The following EPS8 variants were observed in gnomAD, a reference collection of about 807,000 sequenced individuals.
The protein encoded by EPS8 is epidermal growth factor receptor kinase substrate 8.
In EPS8, 42 loss-of-function variants were observed where a neutral mutation model predicts 103.8. The ratio of observed to expected loss-of-function variants is 0.40; its 90% confidence interval spans 0.32 to 0.52. The LOEUF is 0.52. Among genes scored for constraint, EPS8 ranks in the 20% least tolerant of loss-of-function variants. The pLI is 0.40. For synonymous variants in EPS8, 344 were observed against 344.6 expected (o/e 1.00, Z 0.02); for missense variants, 969 against 1,005.1 (o/e 0.96, Z 0.49).
At position 15,702,106 on chromosome 12, in the gene EPS8, C is replaced by T. The variant is rs944009723; in HGVS notation, c.-21-19134G>A. ...CATGAGATAAACCACATTTCTCTGC[C>T]GTGCAGATTATTAGGAGGCAGTATA... On this transcript the variant is annotated intron_variant, in intron 1 of 20. Coordinates refer to ENST00000281172, the MANE Select transcript of EPS8 (RefSeq NM_004447.6). The surrounding 1 kb of genome is among the most constrained non-coding windows in gnomAD (Gnocchi z 5.1). 3.3e-5 allele frequency among the ~76,000 whole-genome samples: 5 copies of T among 152,162 alleles called. No homozygotes were observed. The highest frequency in any genetic ancestry group is 4.8e-5 in the African/African-American group (2 of 41,440).
intron 16 of EPS8, among the ~76,000 whole-genome samples, chr12:15,641,133 C>A (rs886807417): frequency 1.3e-5 from 2 of 152,032 alleles, no homozygotes; most frequent in African/African-American, 2.4e-5. Context: ...GACTTAAGGA[C>A]TAAAATGACT....
At position 15,710,144 on chromosome 12, in the gene EPS8, T is replaced by C. The variant is rs185144329; in HGVS notation, c.-21-27172A>G. 5.4e-4 allele frequency among the ~76,000 whole-genome samples: 82 copies of C among 152,284 alleles called. 1 individual carries two copies. Among genetic ancestry groups the C allele is most frequent in the African/African-American group, 2.0e-3 (82 of 41,562 alleles). ...CTATGTCATTTGGTCTGGCCAACTG[T>C]ATAAATGGTGAAATAAAGAAAAATT... On this transcript the variant is annotated intron_variant, in intron 1 of 20. Coordinates refer to ENST00000281172, the MANE Select transcript of EPS8 (RefSeq NM_004447.6).
intron 18 of EPS8, 96 bp downstream of exon 18, chr12:15,631,346 G>A: frequency 6.5e-7 from 1 of 1,530,166 alleles, no homozygotes. Context: ...CAAGTATAAA[G>A]GACTTTAATA....
rs1208313769 is a variant in EPS8, at chr12:15,713,175, G to A, written c.-21-30203C>T. 5.7e-6 allele frequency: 1 copy of A among 173,952 alleles called. No individual in the cohort carries two copies. The highest frequency in any genetic ancestry group is 2.4e-5 in the African/African-American group (1 of 41,700). The allele number at this position is 173,952 out of a possible 1,614,324, so 10.8% of individuals were successfully genotyped here. A position where few individuals can be genotyped will look rare whatever the true frequency, so the allele number is the denominator to read the frequency against. On this transcript the variant is annotated intron_variant, in intron 1 of 20. Transcript: ENST00000281172. The surrounding 1 kb of genome is among the most constrained non-coding windows in gnomAD (Gnocchi z 4.8). ...AGCATTGACTGAAAGCTTACTGTGT[G>A]GTCTAAATTAACGCTATATACACAG... is the stretch of plus-strand genomic sequence containing the variant.
chr12:15,644,061 C>G (rs1248962655), intron 15 of EPS8, among the ~76,000 whole-genome samples: 1 of 152,218 alleles, frequency 6.6e-6, no homozygotes, highest in African/African-American at 2.4e-5. Flanking sequence ...TACTTCCATA[C>G]TTGAGTCCTG....
chr12:15,766,587 A>C (rs1947101123), intron 1 of EPS8, among the ~76,000 whole-genome samples: 1 of 151,788 alleles, frequency 6.6e-6, no homozygotes, highest in Non-Finnish European at 1.5e-5. Flanking sequence ...CTGAGGCAGG[A>C]GAATTGCCTG....
intron 11 of EPS8, 53 bp from the exon 12 acceptor site, chr12:15,658,206 C>T: frequency 1.6e-6 from 2 of 1,238,432 alleles, no homozygotes; most frequent in Non-Finnish European, 2.4e-6. Flanking sequence ...GACAGACACT[C>T]AGAAAGGTCC....
At chr12:15,639,583 CTA>C (rs1177694715) in intron 17 of EPS8, among the ~76,000 whole-genome samples, 2 of 152,006 alleles carry the variant, frequency 1.3e-5, no homozygotes, top group Admixed American at 1.3e-4. Flanking sequence ...GATAGAGAAA[CTA>C]TACACAAATT....
intron 1 of EPS8, among the ~76,000 whole-genome samples, chr12:15,732,057 T>C (rs1218682843): frequency 1.3e-5 from 2 of 152,164 alleles, no homozygotes; most frequent in Non-Finnish European, 2.9e-5. Flanking sequence ...AAAGTGAAAC[T>C]ACGCATTTCA....
Position 15,650,912 on chromosome 12 carries a change from T to C in EPS8, c.1345A>G (p.Met449Val), listed in dbSNP as rs1345171568. The change falls in exon 14 of 21, where the codon ATG (methionine) becomes GTG (valine). Residue 449 changes from methionine (M) to valine (V), a missense_variant. Met to Val is a conservative substitution (Grantham distance 21). Coordinates refer to ENST00000281172, the MANE Select transcript of EPS8 (RefSeq NM_004447.6). ...GCCAGTTGATAAAGATCTTGTTCCA[T>C]TGTGGCTCCCATAAAGTTCAGCATT... ...PPMLNFMGAT[M>V]EQDLYQLAES... is the part of the protein sequence containing the mutation. 6 of 1,614,138 alleles carry C rather than the reference T, an allele frequency of 3.7e-6. No homozygotes were observed. The highest frequency in any genetic ancestry group is 1.6e-4 in the Middle Eastern group (1 of 6,062).
chr12:15,768,429 CAA>C (rs71042268), intron 1 of EPS8, among the ~76,000 whole-genome samples: 1 of 24,834 alleles, frequency 4.0e-5, no homozygotes, highest in Non-Finnish European at 7.1e-5. Flanking sequence ...GACTCCATCT[CAA>C]AAAAAAAAAA....
At chr12:15,657,655 G>A (rs1216463628) in intron 12 of EPS8, among the ~76,000 whole-genome samples, 1 of 152,096 alleles carries the variant, frequency 6.6e-6, no homozygotes, top group Non-Finnish European at 1.5e-5. Context: ...AGAGATGAAG[G>A]AACACCTCGA....
Position 15,731,659 on chromosome 12 carries a change from T to G in EPS8, c.-21-48687A>C, listed in dbSNP as rs1472158970. ...ACTTCATGCTAAAGATTCTAAGAGC[T>G]AAAGTATTTTCTGAATAGAGAAGAT... On this transcript the variant is annotated intron_variant, in intron 1 of 20. Coordinates refer to ENST00000281172, the MANE Select transcript of EPS8 (RefSeq NM_004447.6). This position sits in a 1 kb window ranked among gnomAD's most constrained non-coding sequence, Gnocchi z 5.1. 1.3e-5 allele frequency among the ~76,000 whole-genome samples: 2 copies of G among 152,190 alleles called. No homozygotes were observed. The highest frequency in any genetic ancestry group is 4.8e-5 in the African/African-American group (2 of 41,458).
intron 17 of EPS8, among the ~76,000 whole-genome samples, chr12:15,637,971 A>T (rs1945165385): frequency 6.6e-6 from 1 of 152,180 alleles, no homozygotes. Flanking sequence ...ATGAGTGAAT[A>T]AAAAGATGAG....
Position 15,762,993 on chromosome 12 carries a change from A to G in EPS8, c.-22+26168T>C, listed in dbSNP as rs1393881864. On this transcript the variant is annotated intron_variant, in intron 1 of 20. Transcript: ENST00000281172. This position sits in a 1 kb window ranked among gnomAD's most constrained non-coding sequence, Gnocchi z 4.8. ...TTGAGGAATAGATAGCCCATTTTCCATGATGTGATTATTATGTGTTACATG... is the reference window on the plus strand; with the variant it reads ...TTGAGGAATAGATAGCCCATTTTCCGTGATGTGATTATTATGTGTTACATG... 6.6e-6 allele frequency among the ~76,000 whole-genome samples: 1 copy of G among 152,194 alleles called. No individual in the cohort carries two copies. Among genetic ancestry groups the G allele is most frequent in the Non-Finnish European group, 1.5e-5 (1 of 68,024 alleles).
intron 2 of EPS8, among the ~76,000 whole-genome samples, chr12:15,681,705 G>C (rs1283067431): frequency 7.1e-6 from 1 of 140,728 alleles, no homozygotes; most frequent in Admixed American, 7.4e-5. Context: ...ACTCCAGCCT[G>C]GTGACAGAGC....
chr12:15,654,028 T>C (rs572859699), intron 13 of EPS8, 117 bp downstream of exon 13: 26 of 1,000,292 alleles, frequency 2.6e-5, no homozygotes, highest in Non-Finnish European at 3.3e-5. Context: ...AGGGTTTAGG[T>C]TTTTTCATCC....
chr12:15,702,218 T>C lies in EPS8; in HGVS notation c.-21-19246A>G, dbSNP rs971299527. Among the ~76,000 whole-genome samples, 6 of 152,300 alleles carry C rather than the reference T, an allele frequency of 3.9e-5. No individual in the cohort carries two copies. The highest frequency in any genetic ancestry group is 1.2e-4 in the African/African-American group (5 of 41,566). On this transcript the variant is annotated intron_variant, in intron 1 of 20. Transcript: ENST00000281172. This position sits in a 1 kb window ranked among gnomAD's most constrained non-coding sequence, Gnocchi z 5.1. The stretch of plus-strand genomic sequence containing the variant: ...TATATTCCCCCTGTTAACACCACTC[T>C]GGAGATGCTAAAGATTCAGAGGTGC...
chr12:15,730,078 C>T (rs2135991282), intron 1 of EPS8, among the ~76,000 whole-genome samples: 1 of 152,284 alleles, frequency 6.6e-6, no homozygotes, highest in South Asian at 2.1e-4. Context: ...CCATCGTCAC[C>T]TGGAACCCTC....
Sources: allele counts gnomAD v4.1 joint callset (sites outside exome capture counted in the v4.1 genomes callset), GRCh38; gene constraint gnomAD v4.1.1; non-coding constraint Gnocchi (gnomAD v3.1); transcripts MANE v1.5; gene names NCBI Gene and HGNC (gene_info 2026-07-23, HGNC 2026-07-21).